MTPN: variants seen among roughly 807,000 people sequenced by gnomAD.
MTPN encodes granule cell differentiation protein.
Under a neutral mutation model 13.5 loss-of-function variants are expected in MTPN, and 2 were observed. That is an observed-to-expected ratio of 0.15 (90% CI 0.06 to 0.47). The LOEUF is 0.47. MTPN is among the 20% of genes least tolerant of loss of function. MTPN has a pLI of 0.97. For missense variants in MTPN, 79 were observed against 137.9 expected (o/e 0.57, Z 2.14); for synonymous variants, 46 against 51.7 (o/e 0.89, Z 0.48).
chr7:135,949,657 A>G (rs982041514), intron 3 of MTPN, among the ~76,000 whole-genome samples: 1 of 152,232 alleles, frequency 6.6e-6, no homozygotes, highest in African/African-American at 2.4e-5. Flanking sequence ...TAAAGTGTTA[A>G]GAGATAAATG....
chr7:135,957,099 GTAT>G (rs1163500406), intron 1 of MTPN, among the ~76,000 whole-genome samples: 4 of 152,034 alleles, frequency 2.6e-5, no homozygotes, highest in African/African-American at 9.7e-5. Flanking sequence ...AACCTAGATT[GTAT>G]TATATTAAAA....
intron 3 of MTPN, among the ~76,000 whole-genome samples, chr7:135,945,060 C>T (rs1028191089): frequency 6.6e-6 from 1 of 151,996 alleles, no homozygotes; most frequent in African/African-American, 2.4e-5. Context: ...AGCTGTAACA[C>T]GATGGTAAGT....
chr7:135,946,757 T>C (rs1212445846), intron 3 of MTPN, among the ~76,000 whole-genome samples: 1 of 152,236 alleles, frequency 6.6e-6, no homozygotes, highest in African/African-American at 2.4e-5. Flanking sequence ...GAGATAATTA[T>C]AATTCTAAAT....
rs67168370 is a variant in MTPN, at chr7:135,972,231, G to GCACA, written c.72+4794_72+4797dup. ...CACACGCGCACACGCGCACGCGCGC[G>GCACA]CACACACACACACACACACACACAC... On this transcript the variant is annotated intron_variant, in intron 1 of 3. Transcript: ENST00000393085. Among the ~76,000 whole-genome samples, 634 of 124,712 alleles carry GCACA rather than the reference G, an allele frequency of 5.1e-3. 3 individuals carry two copies. The highest frequency in any genetic ancestry group is 0.012 in the South Asian group (47 of 3,992). 81.8% of individuals were successfully genotyped at this position (124,712 alleles called of 152,430 possible).
intron 1 of MTPN, among the ~76,000 whole-genome samples, chr7:135,967,160 T>C (rs1198302333): frequency 6.6e-6 from 1 of 152,148 alleles, no homozygotes; most frequent in East Asian, 1.9e-4. Context: ...AGATTTAAGT[T>C]TCTTAAGCCG....
intron 1 of MTPN, among the ~76,000 whole-genome samples, chr7:135,976,712 C>T (rs557953300): frequency 7.2e-5 from 11 of 152,210 alleles, no homozygotes; most frequent in Middle Eastern, 3.4e-3. Flanking sequence ...GAGGGCCAAA[C>T]TCAAATGATC....
Position 135,927,371 on chromosome 7 carries a change from G to A in MTPN, c.*2555C>T. 6.5e-6 allele frequency: 10 copies of A among 1,549,918 alleles called. No homozygotes were observed. Among genetic ancestry groups the A allele is most frequent in the East Asian group, 2.4e-5 (1 of 40,878 alleles). On this transcript the variant is annotated 3_prime_UTR_variant, in exon 4 of 4. Transcript: ENST00000393085. ...GATAACAGTCTGAAGCTGCAAGGGA[G>A]ACTTTGTTAGTACACTACTATAAAC...
chr7:135,966,298 C>G (rs1799603599), intron 1 of MTPN, among the ~76,000 whole-genome samples: 1 of 152,140 alleles, frequency 6.6e-6, no homozygotes, highest in African/African-American at 2.4e-5. Flanking sequence ...GCTCAGAACA[C>G]TTACCTTAGC....
chr7:135,966,537 A>T (rs1271234720), intron 1 of MTPN, among the ~76,000 whole-genome samples: 1 of 151,682 alleles, frequency 6.6e-6, no homozygotes, highest in Non-Finnish European at 1.5e-5. Context: ...CTTTTGCGCC[A>T]TCACAACGTC....
Position 135,927,191 on chromosome 7 carries a change from A to G in MTPN, c.*2735T>C, listed in dbSNP as rs1157227730. ...TTTAAAATCCAGTACTTGGGAAAAGATATCAATGAATAAAAGGCCTACTTG... is the reference window on the plus strand; with the variant it reads ...TTTAAAATCCAGTACTTGGGAAAAGGTATCAATGAATAAAAGGCCTACTTG... On this transcript the variant is annotated 3_prime_UTR_variant, in exon 4 of 4. Transcript: ENST00000393085. 12 of 997,754 alleles carry G rather than the reference A, an allele frequency of 1.2e-5. No individual in the cohort carries two copies. The highest frequency in any genetic ancestry group is 4.4e-5 in the South Asian group (2 of 45,952). 61.8% of individuals were successfully genotyped at this position (997,754 alleles called of 1,614,324 possible).
At chr7:135,944,886 A>G (rs1045279120) in intron 3 of MTPN, among the ~76,000 whole-genome samples, 2 of 152,170 alleles carry the variant, frequency 1.3e-5, no homozygotes, top group African/African-American at 2.4e-5. Flanking sequence ...ATACAGCCAC[A>G]TGTCACTTAA....
chr7:135,975,206 T>C (rs756039792), intron 1 of MTPN, among the ~76,000 whole-genome samples: 1 of 152,228 alleles, frequency 6.6e-6, no homozygotes, highest in Non-Finnish European at 1.5e-5. Context: ...CCATCTTTAT[T>C]GGCATATATT....
chr7:135,931,144 C>T (rs1478143238), intron 3 of MTPN, among the ~76,000 whole-genome samples: 3 of 152,124 alleles, frequency 2.0e-5, no homozygotes, highest in African/African-American at 7.2e-5. Context: ...CAAATCCACC[C>T]ATTCACTCAA....
At position 135,928,241 on chromosome 7, in the gene MTPN, T is replaced by G. The variant is rs1204210638; in HGVS notation, c.*1685A>C. ...ATGTAGGAAAATTACAGGGTTAGGC[T>G]AGTTGTAAGTGAAAAAGCCACAGGA... On this transcript the variant is annotated 3_prime_UTR_variant, in exon 4 of 4. Transcript: ENST00000393085. The G allele has an allele frequency of 6.0e-5, 10 of 167,348 alleles. No homozygotes were observed. Among genetic ancestry groups the G allele is most frequent in the Non-Finnish European group, 1.3e-4 (9 of 68,414 alleles). The allele number at this position is 167,348 out of a possible 1,614,324, so 10.4% of individuals were successfully genotyped here. A position where few individuals can be genotyped will look rare whatever the true frequency, so the allele number is the denominator to read the frequency against.
chr7:135,943,958 T>C (rs981031461), intron 3 of MTPN, among the ~76,000 whole-genome samples: 4 of 152,334 alleles, frequency 2.6e-5, no homozygotes, highest in African/African-American at 7.2e-5. Flanking sequence ...GAAACTTTCA[T>C]TGAATTCTCA....
At chr7:135,945,560 T>C (rs554803251) in intron 3 of MTPN, among the ~76,000 whole-genome samples, 31 of 152,172 alleles carry the variant, frequency 2.0e-4, no homozygotes, top group Non-Finnish European at 2.6e-4. Flanking sequence ...GTCAGGATCA[T>C]CAATATCACT....
chr7:135,969,723 T>C (rs976133268), intron 1 of MTPN, among the ~76,000 whole-genome samples: 1 of 151,896 alleles, frequency 6.6e-6, no homozygotes, highest in Non-Finnish European at 1.5e-5. Flanking sequence ...CCACAAAAAG[T>C]AAAAGACCAT....
chr7:135,977,071 C>T lies in MTPN; in HGVS notation c.30G>A (p.Leu10=). MCDKEFMWA[L]KNGDLDEVKD... The stretch of plus-strand genomic sequence containing the variant: ...TCACCTCATCCAAGTCTCCGTTTTT[C>T]AGGGCCCACATGAACTCCTTGTCGC... Residue 10 remains leucine, a synonymous_variant, in exon 1 of 4, where the codon CTG becomes CTA. Coordinates refer to ENST00000393085, the MANE Select transcript of MTPN (RefSeq NM_145808.4). 2 of 1,614,186 alleles carry T rather than the reference C, an allele frequency of 1.2e-6. No homozygotes were observed. The highest frequency in any genetic ancestry group is 1.7e-6 in the Non-Finnish European group (2 of 1,180,036).
Position 135,929,852 on chromosome 7 carries a change from A to G in MTPN, c.*74T>C. 7.3e-7 allele frequency: 1 copy of G among 1,379,266 alleles called. No homozygotes were observed. Among genetic ancestry groups the G allele is most frequent in the South Asian group, 1.2e-5 (1 of 86,252 alleles). The allele number at this position is 1,379,266 out of a possible 1,614,324, so 85.4% of individuals were successfully genotyped here. ...TAGCTGAAGAAGCTGGCAGATAGAG[A>G]GTGACAGACAGACAGGCAGCAGTGT... On this transcript the variant is annotated 3_prime_UTR_variant, in exon 4 of 4. Coordinates refer to ENST00000393085, the MANE Select transcript of MTPN (RefSeq NM_145808.4).
Sources: allele counts gnomAD v4.1 joint callset (sites outside exome capture counted in the v4.1 genomes callset), GRCh38; gene constraint gnomAD v4.1.1; transcripts MANE v1.5; gene names NCBI Gene and HGNC (gene_info 2026-07-23, HGNC 2026-07-21).